Variants in TFEC observed in about 807,000 individuals in gnomAD.
TFEC encodes the protein class E basic helix-loop-helix protein 34.
TFEC carries 31 observed loss-of-function variants against 41.6 expected under a neutral mutation model. The observed-to-expected ratio is 0.74, with a 90% CI of 0.56 to 1.01. The LOEUF is 1.01. Ranked by LOEUF, TFEC falls within the 50% of genes least tolerant of loss-of-function variation. The probability of loss-of-function intolerance (pLI) is 0.00; values close to 1 mark genes in which losing one functional copy is unlikely to be tolerated. For synonymous variants in TFEC, 143 were observed against 140.6 expected (o/e 1.02, Z -0.12); for missense variants, 402 against 404.1 (o/e 0.99, Z 0.04).
chr7:116,147,888 C>T (rs1398053309), intron 1 of TFEC, among the ~76,000 whole-genome samples: 1 of 151,952 alleles, frequency 6.6e-6, no homozygotes, highest in Non-Finnish European at 1.5e-5. Flanking sequence ...ATAAAATAGA[C>T]AAAAAATATT....
At chr7:116,089,335 A>G (rs548346825) in intron 3 of TFEC, among the ~76,000 whole-genome samples, 2 of 152,266 alleles carry the variant, frequency 1.3e-5, no homozygotes, top group South Asian at 2.1e-4. Flanking sequence ...AGAGTAGCCA[A>G]TGAAAGATTT....
intron 3 of TFEC, among the ~76,000 whole-genome samples, chr7:116,088,259 G>A (rs1226559465): frequency 6.6e-6 from 1 of 152,086 alleles, no homozygotes; most frequent in Non-Finnish European, 1.5e-5. Context: ...ATAGAACTCT[G>A]TGCTGACCCC....
upstream of TFEC, among the ~76,000 whole-genome samples, chr7:116,032,533 A>T (rs1795810719): frequency 6.6e-6 from 1 of 152,138 alleles, no homozygotes; most frequent in African/African-American, 2.4e-5. Context: ...CCTTTGCAGG[A>T]ACATGGATGG....
At chr7:115,982,207 GA>G (rs1050217622) in intron 2 of TFEC, among the ~76,000 whole-genome samples, 13 of 138,026 alleles carry the variant, frequency 9.4e-5, no homozygotes, top group African/African-American at 1.9e-4. Flanking sequence ...AGGCTTGGGA[GA>G]AAAAAAAAAC....
chr7:116,085,668 T>C (rs1379752559), intron 3 of TFEC, among the ~76,000 whole-genome samples: 1 of 151,942 alleles, frequency 6.6e-6, no homozygotes, highest in Non-Finnish European at 1.5e-5. Context: ...TCATTAAATG[T>C]CACAAGAATA....
intron 3 of TFEC, among the ~76,000 whole-genome samples, chr7:116,100,069 A>G (rs1012512050): frequency 2.0e-5 from 3 of 152,220 alleles, no homozygotes; most frequent in East Asian, 1.9e-4. Flanking sequence ...TAATTTACCA[A>G]TACTGACTAT....
intron 4 of TFEC, among the ~76,000 whole-genome samples, chr7:115,955,015 A>T (rs56104149): frequency 1.3e-5 from 2 of 152,060 alleles, no homozygotes; most frequent in African/African-American, 2.4e-5. Flanking sequence ...ATAGTATTCA[A>T]TTATTATTTT....
rs1325817588 is a variant in TFEC, at chr7:115,936,023, T to C, written c.*4528A>G. The stretch of plus-strand genomic sequence containing the variant: ...ATAGCTGTTTTCGGATAATCTCCTA[T>C]ACATTCAAATCTCTATGGACCTCAG... On this transcript the variant is annotated 3_prime_UTR_variant, in exon 8 of 8. Coordinates refer to ENST00000265440, the MANE Select transcript of TFEC (RefSeq NM_012252.4). 6.6e-6 allele frequency: 1 copy of C among 151,636 alleles called. No homozygotes were observed. Among genetic ancestry groups the C allele is most frequent in the African/African-American group, 2.4e-5 (1 of 41,418 alleles). 9.4% of individuals were successfully genotyped at this position (151,636 alleles called of 1,614,324 possible).
intron 3 of TFEC, among the ~76,000 whole-genome samples, chr7:116,067,505 T>C (rs922728086): frequency 2.0e-5 from 3 of 152,044 alleles, no homozygotes; most frequent in Non-Finnish European, 4.4e-5. Flanking sequence ...TCCATGACTA[T>C]AAGCATTTAG....
At position 116,000,502 on chromosome 7, in the gene TFEC, T is replaced by G. The variant is rs1194414276; in HGVS notation, c.-72-15989A>C. On this transcript the variant is annotated intron_variant, in intron 1 of 7. Coordinates refer to ENST00000265440, the MANE Select transcript of TFEC (RefSeq NM_012252.4). Reference sequence around the variant, plus strand: ...CAAATTGGAAAGGAAGAAGTAAATTTATTTGTGTTTGCAGATTAAATGATC... The same window carrying G: ...CAAATTGGAAAGGAAGAAGTAAATTGATTTGTGTTTGCAGATTAAATGATC... 2.6e-5 allele frequency among the ~76,000 whole-genome samples: 4 copies of G among 152,162 alleles called. No homozygotes were observed. In the East Asian group the frequency reaches 7.7e-4, roughly 29 times the overall value.
At chr7:116,147,766 C>A (rs374229102) in intron 1 of TFEC, among the ~76,000 whole-genome samples, 2 of 152,070 alleles carry the variant, frequency 1.3e-5, no homozygotes, top group African/African-American at 2.4e-5. Context: ...TAGCTGTCAA[C>A]GTAGAATCTT....
chr7:116,093,777 TC>T (rs1797383771), intron 3 of TFEC, among the ~76,000 whole-genome samples: 1 of 152,160 alleles, frequency 6.6e-6, no homozygotes, highest in African/African-American at 2.4e-5. Flanking sequence ...GAAAATATAT[TC>T]ATAGGTGGAT....
intron 3 of TFEC, among the ~76,000 whole-genome samples, chr7:116,053,555 G>C (rs1217424436): frequency 6.6e-6 from 1 of 152,180 alleles, no homozygotes; most frequent in Non-Finnish European, 1.5e-5. Flanking sequence ...TTGATCATGA[G>C]GGCAGAGCCC....
At chr7:116,040,890 A>G (rs1470489485) in intron 3 of TFEC, among the ~76,000 whole-genome samples, 1 of 152,180 alleles carries the variant, frequency 6.6e-6, no homozygotes, top group African/African-American at 2.4e-5. Context: ...ATTCGCTTTT[A>G]TTTTGACAGA....
chr7:115,959,510 A>G (rs1413040866), intron 3 of TFEC, among the ~76,000 whole-genome samples: 1 of 151,820 alleles, frequency 6.6e-6, no homozygotes, highest in Non-Finnish European at 1.5e-5. Context: ...CCTGAAGAAA[A>G]TGAGCTAGCA....
intron 1 of TFEC, among the ~76,000 whole-genome samples, chr7:115,999,443 A>G (rs1422355541): frequency 6.6e-6 from 1 of 152,040 alleles, no homozygotes; most frequent in Non-Finnish European, 1.5e-5. Context: ...ATAGAAAAGC[A>G]AGAGAAAGTA....
chr7:116,126,465 C>T (rs1412678355), intron 1 of TFEC, among the ~76,000 whole-genome samples: 3 of 151,914 alleles, frequency 2.0e-5, no homozygotes, highest in Non-Finnish European at 4.4e-5. Flanking sequence ...AGAATAAAGA[C>T]ATTATTTTTA....
chr7:116,112,149 T>C, intron 1 of TFEC: 10 of 413,814 alleles, frequency 2.4e-5, no homozygotes, highest in Non-Finnish European at 3.3e-5. Context: ...CATTGGATGT[T>C]CAATGTGATA....
intron 3 of TFEC, among the ~76,000 whole-genome samples, chr7:116,052,117 G>T (rs1284117940): frequency 6.6e-6 from 1 of 150,950 alleles, no homozygotes; most frequent in Admixed American, 6.6e-5. Context: ...GCAAATGAGG[G>T]GATTGGTCAA....
Sources: allele counts gnomAD v4.1 joint callset (sites outside exome capture counted in the v4.1 genomes callset), GRCh38; gene constraint gnomAD v4.1.1; transcripts MANE v1.5; gene names NCBI Gene and HGNC (gene_info 2026-07-23, HGNC 2026-07-21).